TRERF1: variants seen among roughly 807,000 people sequenced by gnomAD.
TRERF1 encodes the protein transcriptional regulating factor 1.
TRERF1 carries 27 observed loss-of-function variants against 122.9 expected under a neutral mutation model. That is an observed-to-expected ratio of 0.22 (90% CI 0.16 to 0.30). The LOEUF is 0.30. TRERF1 is among the 10% of genes least tolerant of loss of function. TRERF1 has a pLI of 1.00. For missense variants in TRERF1, 1,248 were observed against 1,560.3 expected, an observed-to-expected ratio of 0.80 and a Z score of 3.37; for synonymous variants, 636 against 641.7, an observed-to-expected ratio of 0.99 and a Z score of 0.13.
intron 16 of TRERF1, among the ~76,000 whole-genome samples, chr6:42,233,520 T>G (rs545252832): frequency 6.6e-6 from 1 of 152,030 alleles, no homozygotes; most frequent in South Asian, 2.1e-4. Flanking sequence ...CTCCTGACCT[T>G]GTGATCTGCC....
At chr6:42,249,712 G>A (rs752278559) in intron 13 of TRERF1, among the ~76,000 whole-genome samples, 2 of 152,180 alleles carry the variant, frequency 1.3e-5, no homozygotes. Flanking sequence ...GCTGGGTCAG[G>A]GAGCACAGTC....
At chr6:42,427,980 G>GT (rs1173267812) in intron 2 of TRERF1, among the ~76,000 whole-genome samples, 2 of 152,142 alleles carry the variant, frequency 1.3e-5, no homozygotes, top group Non-Finnish European at 2.9e-5. Context: ...TAGAGCTAAG[G>GT]TAAGTATCAT....
At chr6:42,328,311 C>A (rs1245816094) in intron 3 of TRERF1, among the ~76,000 whole-genome samples, 4 of 151,946 alleles carry the variant, frequency 2.6e-5, no homozygotes, top group African/African-American at 7.2e-5. Flanking sequence ...GCCCAGCCAA[C>A]TATCCCTAAT....
chr6:42,318,924 C>T (rs934506133), intron 3 of TRERF1, among the ~76,000 whole-genome samples: 3 of 152,238 alleles, frequency 2.0e-5, no homozygotes, highest in Admixed American at 1.3e-4. Flanking sequence ...CCAGAGACTA[C>T]ATTTCCCATC....
intron 3 of TRERF1, among the ~76,000 whole-genome samples, chr6:42,317,875 T>C (rs916068751): frequency 6.6e-6 from 1 of 152,116 alleles, no homozygotes; most frequent in Non-Finnish European, 1.5e-5. Flanking sequence ...AGTTCTAGGC[T>C]AGGCACGGTG....
At chr6:42,369,239 C>G (rs1323130820) in intron 2 of TRERF1, among the ~76,000 whole-genome samples, 2 of 152,138 alleles carry the variant, frequency 1.3e-5, no homozygotes, top group Non-Finnish European at 2.9e-5. Flanking sequence ...CACTTGAGGT[C>G]AAGAGCTCCA....
intron 3 of TRERF1, among the ~76,000 whole-genome samples, chr6:42,335,811 CAT>C (rs1449518247): frequency 6.6e-6 from 1 of 152,220 alleles, no homozygotes; most frequent in Non-Finnish European, 1.5e-5. Flanking sequence ...TGCGTGCTGA[CAT>C]AGTTTCCTCT....
intron 2 of TRERF1, among the ~76,000 whole-genome samples, chr6:42,404,439 T>G (rs1162238396): frequency 1.3e-5 from 2 of 152,130 alleles, no homozygotes. Context: ...ATTCTTGCTG[T>G]GGCCACGTGA....
chr6:42,422,651 G>A (rs973320789), intron 2 of TRERF1, among the ~76,000 whole-genome samples: 5 of 151,690 alleles, frequency 3.3e-5, no homozygotes, highest in Non-Finnish European at 7.4e-5. Context: ...ATTCTCTCAA[G>A]CAGTAATTTC....
intron 3 of TRERF1, among the ~76,000 whole-genome samples, chr6:42,305,330 C>T (rs1787005932): frequency 6.6e-6 from 1 of 152,182 alleles, no homozygotes; most frequent in Admixed American, 6.5e-5. Flanking sequence ...ATCCACCATG[C>T]CACCAAGCAA....
intron 4 of TRERF1, among the ~76,000 whole-genome samples, chr6:42,291,342 AG>A (rs1453273183): frequency 6.6e-6 from 1 of 151,936 alleles, no homozygotes; most frequent in African/African-American, 2.4e-5. Flanking sequence ...TCTATGCCGT[AG>A]TACAGGCACG....
At chr6:42,308,236 A>G (rs572159209) in intron 3 of TRERF1, among the ~76,000 whole-genome samples, 1 of 152,374 alleles carries the variant, frequency 6.6e-6, no homozygotes, top group Admixed American at 6.5e-5. Flanking sequence ...TCAACTGATG[A>G]GTGGATAAAC....
chr6:42,259,519 G>T lies in TRERF1; in HGVS notation c.2089C>A (p.Leu697Met), dbSNP rs965312653. Reference sequence around the variant, plus strand: ...AGCTCGTGGGTGGGGTCCAGGAGCAGGTGGTCCCCGAGGACGCGCGGGGAG... The same window carrying T: ...AGCTCGTGGGTGGGGTCCAGGAGCATGTGGTCCCCGAGGACGCGCGGGGAG... Residue 697 changes from leucine (L) to methionine (M), a missense_variant, in exon 9 of 18, where the codon CTG (leucine) becomes ATG (methionine). Physicochemically the swap from Leu to Met is conservative, Grantham distance 15. Around this residue, in one of 5 missense-constraint regions of TRERF1, gnomAD observed 946 missense variants for 1,073.0 expected, o/e 0.88. Transcript: ENST00000372922. This position sits in a 1 kb window ranked among gnomAD's most constrained non-coding sequence, Gnocchi z 4.9. 6.2e-7 allele frequency: 1 copy of T among 1,612,982 alleles called. No individual in the cohort carries two copies. The highest frequency in any genetic ancestry group is 1.7e-5 in the Admixed American group (1 of 60,000).
chr6:42,315,181 T>A (rs1406896835), intron 3 of TRERF1, among the ~76,000 whole-genome samples: 1 of 152,154 alleles, frequency 6.6e-6, no homozygotes. Context: ...CAGAGGACAT[T>A]TGGCAGTGTC....
rs1289075038 is a variant in TRERF1 at position 42,259,016 on chromosome 6, T to C, written c.2269+323A>G. 2.6e-5 allele frequency among the ~76,000 whole-genome samples: 4 copies of C among 152,268 alleles called. No individual in the cohort carries two copies. The highest frequency in any genetic ancestry group is 9.6e-5 in the African/African-American group (4 of 41,540). On this transcript the variant is annotated intron_variant, in intron 9 of 17. Transcript: ENST00000372922. This position sits in a 1 kb window ranked among gnomAD's most constrained non-coding sequence, Gnocchi z 4.9. The stretch of plus-strand genomic sequence containing the variant: ...TCCGAAAACGCTGGGATTACAGGTG[T>C]GAGCCACCGCGCCCGGTCTCATTTT...
In TRERF1 at chr6:42,268,650, AGCTGTAGCTGCTGCGGCTGCTGCT is replaced by A. The variant is rs1157796296; in HGVS notation, c.917_940del (p.Gln306_Gln313del). 1.1e-5 allele frequency: 17 copies of A among 1,613,984 alleles called. No individual in the cohort carries two copies. The highest frequency in any genetic ancestry group is 1.4e-5 in the Non-Finnish European group (16 of 1,179,998). ...CTGCATTGAACCCTGCCGCTGCTGC[AGCTGTAGCTGCTGCGGCTGCTGCT>A]GCTGTGGCGGCGGCTGTGGCTGTGA... On this transcript the variant is annotated inframe_deletion, in exon 5 of 18. Transcript: ENST00000372922. The surrounding 1 kb of genome is among the most constrained non-coding windows in gnomAD (Gnocchi z 4.4).
chr6:42,392,383 C>T (rs746908782), intron 2 of TRERF1, among the ~76,000 whole-genome samples: 67 of 152,198 alleles, frequency 4.4e-4, no homozygotes, highest in Middle Eastern at 3.4e-3. Flanking sequence ...AGAAAATGAT[C>T]ATAAGAGCAT....
intron 6 of TRERF1, 27 bp from the exon 7 acceptor site, chr6:42,264,881 A>G (rs774969673): frequency 6.2e-7 from 1 of 1,612,784 alleles, no homozygotes; most frequent in Middle Eastern, 1.7e-4. Context: ...TCAAATGGAG[A>G]GGACACATAC....
chr6:42,284,708 C>T (rs975223605), intron 4 of TRERF1, among the ~76,000 whole-genome samples: 2 of 152,204 alleles, frequency 1.3e-5, no homozygotes, highest in African/African-American at 4.8e-5. Flanking sequence ...AGAAGGCCAG[C>T]TGCCACTCAG....
Sources: gnomAD v4.1 joint callset for allele counts (sites outside exome capture counted in the v4.1 genomes callset) on GRCh38, gnomAD v4.1.1 for gene constraint, gnomAD v4.1.1 regional missense constraint, Gnocchi (gnomAD v3.1) non-coding constraint, MANE v1.5 for transcripts, NCBI Gene and HGNC (gene_info 2026-07-23, HGNC 2026-07-21) for gene names.